The following TTC27 variants were observed in gnomAD, a reference collection of about 807,000 sequenced individuals.
The protein encoded by TTC27 is tetratricopeptide repeat protein 27.
Under a neutral mutation model 115.9 loss-of-function variants are expected in TTC27, and 79 were observed. The ratio of observed to expected loss-of-function variants is 0.68; its 90% CI spans 0.57 to 0.82. TTC27 has a LOEUF of 0.82. Ranked by LOEUF, TTC27 falls within the 40% of genes least tolerant of loss-of-function variation. The pLI is 0.00. For synonymous variants in TTC27, 401 were observed against 356.0 expected, an observed-to-expected ratio of 1.13 and a Z score of -1.42; for missense variants, 1,054 against 993.1, an observed-to-expected ratio of 1.06 and a Z score of -0.82.
intron 16 of TTC27, among the ~76,000 whole-genome samples, chr2:32,800,833 T>C (rs1381757854): frequency 6.6e-6 from 1 of 152,158 alleles, no homozygotes; most frequent in Non-Finnish European, 1.5e-5. Context: ...CCTCTCATCA[T>C]CATTGTCATC....
chr2:32,671,912 T>C (rs1666028819), intron 7 of TTC27, among the ~76,000 whole-genome samples: 1 of 152,234 alleles, frequency 6.6e-6, no homozygotes, highest in Non-Finnish European at 1.5e-5. Context: ...TCTGATTCTT[T>C]GTTTTTTCAT....
chr2:32,797,569 T>G (rs1340876868), intron 16 of TTC27, among the ~76,000 whole-genome samples: 4 of 152,186 alleles, frequency 2.6e-5, no homozygotes, highest in Non-Finnish European at 4.4e-5. Flanking sequence ...TGCAAAAGAA[T>G]AAAGTTGGAC....
intron 5 of TTC27, among the ~76,000 whole-genome samples, chr2:32,653,247 ACATTT>A (rs777081436): frequency 2.0e-5 from 3 of 152,188 alleles, no homozygotes; most frequent in Non-Finnish European, 4.4e-5. Flanking sequence ...TCCTGCTGTG[ACATTT>A]CAGGCAGCTC....
At chr2:32,719,780 A>AG (rs1667863981) in intron 10 of TTC27, among the ~76,000 whole-genome samples, 2 of 152,152 alleles carry the variant, frequency 1.3e-5, no homozygotes, top group Non-Finnish European at 2.9e-5. Flanking sequence ...GAAGACATCC[A>AG]GGGACAGAGG....
intron 7 of TTC27, among the ~76,000 whole-genome samples, chr2:32,670,117 A>T (rs1665956391): frequency 6.6e-6 from 1 of 151,620 alleles, no homozygotes; most frequent in Non-Finnish European, 1.5e-5. Context: ...ACGTCGGGTG[A>T]TCCGCCCGCC....
intron 5 of TTC27, among the ~76,000 whole-genome samples, chr2:32,661,714 C>G (rs554361725): frequency 6.6e-6 from 1 of 152,288 alleles, no homozygotes; most frequent in East Asian, 1.9e-4. Context: ...CATGTGCAAA[C>G]AGAGACAATT....
At chr2:32,669,801 G>A (rs1211322679) in intron 7 of TTC27, among the ~76,000 whole-genome samples, 4 of 146,570 alleles carry the variant, frequency 2.7e-5, no homozygotes, top group South Asian at 2.2e-4. Context: ...CAGGAGAATC[G>A]CCTGAACCCA....
chr2:32,683,445 T>C (rs1442434590), intron 9 of TTC27, among the ~76,000 whole-genome samples: 5 of 152,230 alleles, frequency 3.3e-5, no homozygotes, highest in African/African-American at 9.6e-5. Context: ...CAAAGTTTAC[T>C]AGAATGATGG....
intron 5 of TTC27, among the ~76,000 whole-genome samples, chr2:32,653,168 C>T (rs571389158): frequency 1.3e-5 from 2 of 152,290 alleles, no homozygotes; most frequent in East Asian, 3.9e-4. Context: ...TAATATTGCA[C>T]TTTAGCTGTT....
intron 5 of TTC27, among the ~76,000 whole-genome samples, chr2:32,653,616 A>T (rs941616374): frequency 6.6e-6 from 1 of 151,978 alleles, no homozygotes. Context: ...ACAAAAAAAA[A>T]ACAGTCTTTT....
intron 4 of TTC27, among the ~76,000 whole-genome samples, chr2:32,640,964 A>G (rs561259496): frequency 6.6e-6 from 1 of 152,304 alleles, no homozygotes; most frequent in South Asian, 2.1e-4. Flanking sequence ...CCTGGGCAAG[A>G]GAACAAGACT....
At chr2:32,762,629 T>C (rs1197837337) in intron 13 of TTC27, among the ~76,000 whole-genome samples, 1 of 68,182 alleles carries the variant, frequency 1.5e-5, no homozygotes, top group Non-Finnish European at 3.1e-5. Context: ...GTTTTTTGGG[T>C]TTTTTTTTTT....
intron 9 of TTC27, among the ~76,000 whole-genome samples, chr2:32,686,592 C>T (rs987728766): frequency 3.3e-4 from 50 of 152,090 alleles, no homozygotes; most frequent in African/African-American, 1.2e-3. Context: ...AACTCCCAGG[C>T]TCAAGTGATC....
rs138127496 is a variant in TTC27 at position 32,669,309 on chromosome 2, A to T, written c.939+2541A>T. On this transcript the variant is annotated intron_variant, in intron 7 of 19. Coordinates refer to ENST00000317907, the MANE Select transcript of TTC27 (RefSeq NM_017735.5). ...CACCGGCCAGAATTTAATCTTTTGT[A>T]TGTGAAATAAAATACATTCAGATAA... 3.6e-3 allele frequency among the ~76,000 whole-genome samples: 545 copies of T among 152,268 alleles called. 4 individuals are homozygous for T. Among genetic ancestry groups the T allele is most frequent in the African/African-American group, 0.012 (511 of 41,554 alleles).
At chr2:32,684,189 C>T (rs894325393) in intron 9 of TTC27, among the ~76,000 whole-genome samples, 7 of 151,970 alleles carry the variant, frequency 4.6e-5, no homozygotes, top group South Asian at 4.1e-4. Context: ...GTTTTTTGTT[C>T]TTGCGATAGT....
intron 16 of TTC27, among the ~76,000 whole-genome samples, chr2:32,806,612 C>G (rs572033018): frequency 6.6e-6 from 1 of 152,080 alleles, no homozygotes; most frequent in South Asian, 2.1e-4. Flanking sequence ...AACCCCATCT[C>G]TACTAAAAAT....
intron 15 of TTC27, among the ~76,000 whole-genome samples, chr2:32,783,993 A>G (rs3851312): frequency 0.12 from 18,071 of 152,170 alleles, 1,234 homozygotes; most frequent in Middle Eastern, 0.23. Flanking sequence ...GACATAAATA[A>G]AGTCTATCTG....
At chr2:32,666,889 C>G in intron 7 of TTC27, 121 bp downstream of exon 7, 2 of 1,210,664 alleles carry the variant, frequency 1.7e-6, no homozygotes, top group Non-Finnish European at 2.2e-6. Context: ...TTTCTTTTGC[C>G]TTTTAAAGGT....
chr2:32,799,084 A>C (rs1670830060), intron 16 of TTC27, among the ~76,000 whole-genome samples: 1 of 152,228 alleles, frequency 6.6e-6, no homozygotes, highest in Non-Finnish European at 1.5e-5. Flanking sequence ...ACATGCTACA[A>C]AATGGATGAA....
Sources: allele counts gnomAD v4.1 joint callset (sites outside exome capture counted in the v4.1 genomes callset), GRCh38; gene constraint gnomAD v4.1.1; transcripts MANE v1.5; gene names NCBI Gene and HGNC (gene_info 2026-07-23, HGNC 2026-07-21).